Variants in ZNF723 observed in about 807,000 individuals in gnomAD.
ZNF723 encodes the protein zinc finger protein 723, also known as zinc finger protein 723, pseudogene.
ZNF723 carries 5 observed loss-of-function variants against 9.4 expected under a neutral mutation model. The observed-to-expected ratio is 0.53, with a 90% CI of 0.28 to 1.12. The LOEUF is 1.12. ZNF723 is among the 50% of genes most tolerant of loss of function. The probability of loss-of-function intolerance (pLI) is 0.10; values close to 1 mark genes in which losing one functional copy is unlikely to be tolerated. For synonymous variants in ZNF723, 158 were observed against 168.8 expected (o/e 0.94, Z 0.49); for missense variants, 450 against 501.5 (o/e 0.90, Z 0.98).
rs1599483027 is a variant in ZNF723 at position 22,858,248 on chromosome 19, T to A, written c.1357T>A (p.Tyr453Asn). ...HKIIHTKEKPYKCEECGKAFN... is the reference protein window; with the variant it reads ...HKIIHTKEKPNKCEECGKAFN... ...GATAATTCATACTAAAGAGAAACCC[T>A]ACAAATGTGAAGAATGTGGCAAAGC... The change falls in exon 4 of 4, where the codon TAC (tyrosine) becomes AAC (asparagine). Residue 453 changes from tyrosine to asparagine, a missense_variant. Around this residue, in one of 5 missense-constraint regions of ZNF723, gnomAD observed 237 missense variants for 332.2 expected, o/e 0.71. Transcript: ENST00000600766. 3 of 1,344,158 alleles carry A rather than the reference T, an allele frequency of 2.2e-6. No individual in the cohort carries two copies. The highest frequency in any genetic ancestry group is 3.2e-6 in the Non-Finnish European group (3 of 937,076). The allele number at this position is 1,344,158 out of a possible 1,614,324, so 83.3% of individuals were successfully genotyped here.
the ZNF723 span, among the ~76,000 whole-genome samples, chr19:22,814,419 A>G: frequency 3.9e-5 from 6 of 152,296 alleles, no homozygotes; most frequent in East Asian, 1.2e-3. Flanking sequence ...TGAGACTTTG[A>G]ACCTCACACA....
Position 22,832,358 on chromosome 19 carries a change from A to G in ZNF723, c.-22A>G, listed in dbSNP as rs1220286352. The stretch of plus-strand genomic sequence containing the variant: ...TTGGGAGATCCACAGCTAAGACGCC[A>G]GGACTCCCTGGAAGCCTAGAAATGG... On this transcript the variant is annotated 5_prime_UTR_variant, in exon 1 of 4. Transcript: ENST00000600766. The G allele has an allele frequency of 6.5e-6, 9 of 1,379,328 alleles. No individual in the cohort carries two copies. Among genetic ancestry groups the G allele is most frequent in the Non-Finnish European group, 9.1e-6 (9 of 984,838 alleles). The allele number at this position is 1,379,328 out of a possible 1,614,324, so 85.4% of individuals were successfully genotyped here.
At position 22,857,700 on chromosome 19, in the gene ZNF723, C is replaced by T. The variant is rs1599482593; in HGVS notation, c.809C>T (p.Ser270Leu). The T allele has an allele frequency of 4.7e-6, 6 of 1,267,878 alleles. No individual in the cohort carries two copies. Among genetic ancestry groups the T allele is most frequent in the Non-Finnish European group, 5.8e-6 (5 of 865,100 alleles). 78.5% of individuals were successfully genotyped at this position (1,267,878 alleles called of 1,614,324 possible). Reference sequence around the variant, plus strand: ...TGTGGCAAAACCTTTAATATGTTCTCAAGCCTTAATAATCATAAGAGAATT... The same window carrying T: ...TGTGGCAAAACCTTTAATATGTTCTTAAGCCTTAATAATCATAAGAGAATT... ...EECGKTFNMFSSLNNHKRIHT... is the reference protein window; with the variant it reads ...EECGKTFNMFLSLNNHKRIHT... Residue 270 changes from serine (S) to leucine (L), a missense_variant, in exon 4 of 4, where the codon TCA becomes TTA. This residue lies in a region of ZNF723 where 237 missense variants were observed against 332.2 expected (regional missense o/e 0.71). Coordinates refer to ENST00000600766, the MANE Select transcript of ZNF723 (RefSeq NM_001349726.2).
At chr19:22,822,095 A>G in the ZNF723 span, among the ~76,000 whole-genome samples, 1 of 152,170 alleles carries the variant, frequency 6.6e-6, no homozygotes, top group Non-Finnish European at 1.5e-5. Flanking sequence ...GGGTGACAAG[A>G]GCGAGACTCC....
At chr19:22,835,978 G>A (rs1967160406) in intron 1 of ZNF723, among the ~76,000 whole-genome samples, 1 of 152,130 alleles carries the variant, frequency 6.6e-6, no homozygotes, top group Non-Finnish European at 1.5e-5. Context: ...TGAAATGTAA[G>A]CACCTTAAAA....
intron 1 of ZNF723, among the ~76,000 whole-genome samples, chr19:22,843,975 G>A (rs1234109950): frequency 2.0e-5 from 3 of 152,098 alleles, no homozygotes; most frequent in Non-Finnish European, 4.4e-5. Flanking sequence ...TTCTACATAA[G>A]GTCCACTCCC....
chr19:22,829,087 C>T (rs1441932544), upstream of ZNF723, among the ~76,000 whole-genome samples: 3 of 152,014 alleles, frequency 2.0e-5, no homozygotes, highest in East Asian at 1.9e-4. Flanking sequence ...GCAGGAGAAT[C>T]GTTTGAACCT....
intron 1 of ZNF723, among the ~76,000 whole-genome samples, chr19:22,833,930 T>TC (rs1967130730): frequency 7.1e-6 from 1 of 140,220 alleles, no homozygotes; most frequent in East Asian, 2.0e-4. Context: ...AGCGTACTTT[T>TC]TTTTTTTTTT....
chr19:22,837,280 AAAAAAAAAAAAGAAAGAAAG>A (rs1294241192), intron 1 of ZNF723, among the ~76,000 whole-genome samples: 1 of 151,020 alleles, frequency 6.6e-6, no homozygotes, highest in Admixed American at 6.6e-5. Context: ...CTGGCTTAAA[AAAAAAAAAAAAGAAAGAAAG>A]AAAAAAGAAA....
the ZNF723 span, among the ~76,000 whole-genome samples, chr19:22,820,497 A>G: frequency 1.3e-5 from 2 of 152,208 alleles, no homozygotes; most frequent in African/African-American, 4.8e-5. Context: ...GACCCAGGTA[A>G]TGTGACTCTC....
chr19:22,845,400 G>GT (rs1967295235), intron 1 of ZNF723, among the ~76,000 whole-genome samples: 1 of 151,944 alleles, frequency 6.6e-6, no homozygotes, highest in Non-Finnish European at 1.5e-5. Context: ...TCTTTTTATT[G>GT]TTGGACACAT....
At chr19:22,812,683 A>T in the ZNF723 span, among the ~76,000 whole-genome samples, 1 of 152,190 alleles carries the variant, frequency 6.6e-6, no homozygotes, top group South Asian at 2.1e-4. Flanking sequence ...AACAGTAAAA[A>T]TTGTCCTCTT....
chr19:22,841,988 C>A (rs751668602), intron 1 of ZNF723, among the ~76,000 whole-genome samples: 2 of 151,356 alleles, frequency 1.3e-5, no homozygotes, highest in Non-Finnish European at 3.0e-5. Context: ...CTTTCTCCCA[C>A]CTTTGAACTA....
chr19:22,846,622 C>T (rs926486189), intron 1 of ZNF723, among the ~76,000 whole-genome samples: 2 of 151,638 alleles, frequency 1.3e-5, no homozygotes, highest in Non-Finnish European at 2.9e-5. Context: ...GACTCTGTCT[C>T]AAGAAAAAAT....
At chr19:22,824,322 T>C in the ZNF723 span, among the ~76,000 whole-genome samples, 1 of 151,922 alleles carries the variant, frequency 6.6e-6, no homozygotes, top group African/African-American at 2.4e-5. Context: ...CAGAACCCAG[T>C]TGGTGTGACT....
chr19:22,817,625 CAA>C, the ZNF723 span, among the ~76,000 whole-genome samples: 1 of 152,014 alleles, frequency 6.6e-6, no homozygotes, highest in East Asian at 1.9e-4. Context: ...AGCCCAAAAC[CAA>C]AGTGATGAAA....
the ZNF723 span, among the ~76,000 whole-genome samples, chr19:22,822,303 A>T: frequency 1.4e-4 from 22 of 152,336 alleles, 1 homozygote; most frequent in Middle Eastern, 3.4e-3. Flanking sequence ...CACAGTTAAA[A>T]TTCTGACTGT....
chr19:22,825,874 A>G, the ZNF723 span, among the ~76,000 whole-genome samples: 15 of 152,224 alleles, frequency 9.9e-5, no homozygotes, highest in African/African-American at 3.6e-4. Context: ...ATGTAAGTGG[A>G]CCCAGCACCT....
chr19:22,823,509 A>G, the ZNF723 span, among the ~76,000 whole-genome samples: 2 of 152,240 alleles, frequency 1.3e-5, no homozygotes, highest in African/African-American at 2.4e-5. Flanking sequence ...CCAGTCTACT[A>G]TTGAGATTCT....
Sources: gnomAD v4.1 joint callset for allele counts (sites outside exome capture counted in the v4.1 genomes callset) on GRCh38, gnomAD v4.1.1 for gene constraint, gnomAD v4.1.1 regional missense constraint, MANE v1.5 for transcripts, NCBI Gene and HGNC (gene_info 2026-07-23, HGNC 2026-07-21) for gene names.